The following SLC4A10 variants were observed in gnomAD, a reference collection of about 807,000 sequenced individuals.
SLC4A10 encodes the protein sodium-driven chloride bicarbonate exchanger.
SLC4A10 carries 42 observed loss-of-function variants against 137.7 expected under a neutral mutation model. The ratio of observed to expected loss-of-function variants is 0.30; its 90% CI spans 0.24 to 0.39. The LOEUF (loss-of-function observed/expected upper bound fraction) is 0.39. Among genes scored for constraint, SLC4A10 ranks in the 10% least tolerant of loss-of-function variants. SLC4A10 has a pLI of 1.00. For missense variants in SLC4A10, 925 were observed against 1,355.0 expected (o/e 0.68, Z 4.98); for synonymous variants, 474 against 464.1 (o/e 1.02, Z -0.27).
Position 161,883,274 on chromosome 2 carries a change from T to C in SLC4A10, c.1194+830T>C, listed in dbSNP as rs184107423. ...TCTAAATAATTTAATAATGTTTTTA[T>C]TGAAATACATGGCTGCAGATATTTG... On this transcript the variant is annotated intron_variant, in intron 10 of 26. Coordinates refer to ENST00000446997, the MANE Select transcript of SLC4A10 (RefSeq NM_001178015.2). Among the ~76,000 whole-genome samples, 243 of 152,292 alleles carry C rather than the reference T, an allele frequency of 1.6e-3. 1 individual carries two copies. The highest frequency in any genetic ancestry group is 5.6e-3 in the African/African-American group (231 of 41,564).
At chr2:161,720,633 T>C (rs1449001538) in intron 1 of SLC4A10, among the ~76,000 whole-genome samples, 3 of 152,188 alleles carry the variant, frequency 2.0e-5, no homozygotes, top group Non-Finnish European at 4.4e-5. Context: ...CATTATATAA[T>C]GCCCTTCTTT....
At chr2:161,913,777 T>G (rs1211463405) in intron 15 of SLC4A10, among the ~76,000 whole-genome samples, 3 of 152,226 alleles carry the variant, frequency 2.0e-5, no homozygotes, top group African/African-American at 7.2e-5. Flanking sequence ...ACTCAACTTC[T>G]TCTCACCTGT....
intron 3 of SLC4A10, among the ~76,000 whole-genome samples, chr2:161,820,005 A>G (rs572427992): frequency 2.6e-5 from 4 of 152,218 alleles, no homozygotes; most frequent in Non-Finnish European, 5.9e-5. Flanking sequence ...AATAGAAAAG[A>G]TGATAGGATT....
chr2:161,874,325 A>G (rs1206929009), intron 8 of SLC4A10, among the ~76,000 whole-genome samples: 1 of 152,262 alleles, frequency 6.6e-6, no homozygotes, highest in Non-Finnish European at 1.5e-5. Flanking sequence ...TATAAAGCAC[A>G]TAGCTCCTCC....
At chr2:161,707,452 A>G (rs1258428810) in intron 1 of SLC4A10, among the ~76,000 whole-genome samples, 8 of 150,952 alleles carry the variant, frequency 5.3e-5, no homozygotes, top group Non-Finnish European at 8.9e-5. Context: ...TGAATTGACT[A>G]TAATCTTAGT....
At chr2:161,972,373 C>A (rs751181395) in intron 23 of SLC4A10, among the ~76,000 whole-genome samples, 10 of 152,254 alleles carry the variant, frequency 6.6e-5, no homozygotes, top group Non-Finnish European at 1.5e-4. Context: ...ATATATTATG[C>A]ATGTAATATA....
intron 1 of SLC4A10, among the ~76,000 whole-genome samples, chr2:161,695,136 A>T (rs562748107): frequency 1.9e-4 from 29 of 152,204 alleles, no homozygotes; most frequent in African/African-American, 6.7e-4. Flanking sequence ...TAACTTTACA[A>T]TACAGAGAAA....
intron 3 of SLC4A10, 73 bp downstream of exon 3, chr2:161,804,668 G>C: frequency 1.4e-6 from 2 of 1,401,976 alleles, no homozygotes; most frequent in Admixed American, 2.4e-5. Context: ...ATGATTAGGA[G>C]TAATACCTTA....
At chr2:161,630,448 T>C (rs1031056614) in intron 1 of SLC4A10, among the ~76,000 whole-genome samples, 5 of 151,708 alleles carry the variant, frequency 3.3e-5, no homozygotes, top group African/African-American at 1.2e-4. Flanking sequence ...GATTCATATA[T>C]ATTTTGACCA....
At chr2:161,911,135 T>C (rs866271588) in intron 15 of SLC4A10, among the ~76,000 whole-genome samples, 1 of 151,980 alleles carries the variant, frequency 6.6e-6, no homozygotes, top group African/African-American at 2.4e-5. Context: ...TACTGATTAA[T>C]GGAACATGTT....
At chr2:161,746,567 C>CGT (rs1403578768) in intron 1 of SLC4A10, among the ~76,000 whole-genome samples, 2 of 151,506 alleles carry the variant, frequency 1.3e-5, no homozygotes, top group African/African-American at 4.8e-5. Context: ...GAGTCAGCTT[C>CGT]GTGCTTTATT....
intron 1 of SLC4A10, among the ~76,000 whole-genome samples, chr2:161,710,440 A>T (rs536341795): frequency 1.1e-4 from 17 of 150,414 alleles, no homozygotes; most frequent in Non-Finnish European, 2.4e-4. Flanking sequence ...AGTGGCATTT[A>T]AATGAGGATA....
At chr2:161,633,242 G>A (rs897306857) in intron 1 of SLC4A10, among the ~76,000 whole-genome samples, 2 of 151,730 alleles carry the variant, frequency 1.3e-5, no homozygotes, top group African/African-American at 4.8e-5. Context: ...GCATCCATAT[G>A]TGAATTATTT....
chr2:161,960,570 A>G (rs1696508208), intron 21 of SLC4A10, among the ~76,000 whole-genome samples: 1 of 151,156 alleles, frequency 6.6e-6, no homozygotes, highest in South Asian at 2.1e-4. Context: ...AAATACAAAA[A>G]TCAGACGGGT....
In SLC4A10 at chr2:161,880,664, A is replaced by G. The variant is rs111504650; in HGVS notation, c.1106+1376A>G. 4.3e-3 allele frequency among the ~76,000 whole-genome samples: 654 copies of G among 152,264 alleles called. 5 individuals are homozygous for G. Among genetic ancestry groups the G allele is most frequent in the African/African-American group, 0.015 (621 of 41,576 alleles). On this transcript the variant is annotated intron_variant, in intron 9 of 26. Coordinates refer to ENST00000446997, the MANE Select transcript of SLC4A10 (RefSeq NM_001178015.2). ...GTGTGATTCAGGCTATATGTTTTCT[A>G]TGGACAACCTGTAACCTATTCAAGG...
At chr2:161,739,073 T>C (rs929094563) in intron 1 of SLC4A10, among the ~76,000 whole-genome samples, 1 of 152,142 alleles carries the variant, frequency 6.6e-6, no homozygotes, top group Non-Finnish European at 1.5e-5. Flanking sequence ...CCACAAACTG[T>C]AGTTGATCCT....
chr2:161,755,546 A>G (rs905786323), intron 1 of SLC4A10, among the ~76,000 whole-genome samples: 1 of 152,164 alleles, frequency 6.6e-6, no homozygotes, highest in Non-Finnish European at 1.5e-5. Context: ...AATTTAAGCC[A>G]ACACCACCCT....
chr2:161,946,839 A>G (rs897088542), intron 16 of SLC4A10, among the ~76,000 whole-genome samples: 2 of 152,092 alleles, frequency 1.3e-5, no homozygotes, highest in Non-Finnish European at 2.9e-5. Flanking sequence ...TGCCTTGCTC[A>G]TGTAGTAATT....
At chr2:161,819,038 G>A (rs1415545450) in intron 3 of SLC4A10, among the ~76,000 whole-genome samples, 1 of 151,840 alleles carries the variant, frequency 6.6e-6, no homozygotes, top group Non-Finnish European at 1.5e-5. Context: ...ATTGGAATTT[G>A]GGCACTCTTA....
Sources: gnomAD v4.1 joint callset for allele counts (sites outside exome capture counted in the v4.1 genomes callset) on GRCh38, gnomAD v4.1.1 for gene constraint, MANE v1.5 for transcripts, NCBI Gene and HGNC (gene_info 2026-07-23, HGNC 2026-07-21) for gene names.